The following SIL1 variants were observed in gnomAD, a reference collection of about 807,000 sequenced individuals.
The protein encoded by SIL1 is SIL1 nucleotide exchange factor.
In SIL1, 40 loss-of-function variants were observed where a neutral mutation model predicts 49.1. That is an observed-to-expected ratio of 0.81 (90% CI 0.63 to 1.06). The LOEUF is 1.06. SIL1 is among the 50% of genes least tolerant of loss of function. SIL1 has a pLI of 0.00. For synonymous variants in SIL1, 253 were observed against 250.8 expected, an observed-to-expected ratio of 1.01 and a Z score of -0.08; for missense variants, 500 against 572.6, an observed-to-expected ratio of 0.87 and a Z score of 1.29.
At chr5:139,095,073 G>A (rs1452071126) in intron 3 of SIL1, among the ~76,000 whole-genome samples, 1 of 152,108 alleles carries the variant, frequency 6.6e-6, no homozygotes, top group African/African-American at 2.4e-5. Context: ...CAACACTGGT[G>A]ATATTACCCT....
chr5:139,152,800 G>A (rs969222436), intron 1 of SIL1, among the ~76,000 whole-genome samples: 2 of 152,074 alleles, frequency 1.3e-5, no homozygotes, highest in Non-Finnish European at 2.9e-5. Flanking sequence ...ATCAACATCA[G>A]CAGCTTCATC....
intron 7 of SIL1, among the ~76,000 whole-genome samples, chr5:138,969,674 T>G (rs1236834022): frequency 6.6e-6 from 1 of 152,184 alleles, no homozygotes; most frequent in Non-Finnish European, 1.5e-5. Flanking sequence ...AAGGTCAAGT[T>G]GACAAATACC....
At chr5:138,955,096 CT>C (rs1182466935) in intron 7 of SIL1, among the ~76,000 whole-genome samples, 1 of 152,238 alleles carries the variant, frequency 6.6e-6, no homozygotes, top group African/African-American at 2.4e-5. Flanking sequence ...CGGCCCACCC[CT>C]GGAGGGACCA....
intron 1 of SIL1, among the ~76,000 whole-genome samples, chr5:139,170,955 G>A (rs1397982048): frequency 6.8e-6 from 1 of 147,958 alleles, no homozygotes; most frequent in Middle Eastern, 3.6e-3. Flanking sequence ...GAGGTGGGGG[G>A]GTCAGTCCCC....
In SIL1 at chr5:138,951,787, CCTT is replaced by C. The variant is rs148940232; in HGVS notation, c.862_864del (p.Lys288del). 36 of 1,613,996 alleles carry C rather than the reference CCTT, an allele frequency of 2.2e-5. No individual in the cohort carries two copies. In the South Asian group the frequency reaches 2.3e-4, roughly 10 times the overall value. ...GCAGGAGGAAGGGCATGGAAACACA[CCTT>C]CTTCTTTGCAGTGAGCGGCTGCTCC... On this transcript the variant is annotated inframe_deletion and splice_region_variant, in exon 8 of 10. Coordinates refer to ENST00000394817, the MANE Select transcript of SIL1 (RefSeq NM_022464.5).
At chr5:139,081,365 G>T (rs11242445) in intron 3 of SIL1, among the ~76,000 whole-genome samples, 61,647 of 151,976 alleles carry the variant, frequency 0.41, 12,934 homozygotes, top group African/African-American at 0.53. Context: ...AGCCATCCTC[G>T]TGCCTTAGCC....
chr5:139,145,448 T>A (rs1469350353), intron 1 of SIL1, among the ~76,000 whole-genome samples: 1 of 152,160 alleles, frequency 6.6e-6, no homozygotes, highest in Non-Finnish European at 1.5e-5. Flanking sequence ...AAAATTACCA[T>A]ATGACCCAGC....
chr5:139,058,198 A>C lies in SIL1; in HGVS notation c.245-7152T>G, dbSNP rs926277411. ...GTATCATATGATTACTTTTACATGA[A>C]ATGTACAGAATAGGCAAATCCATAG... On this transcript the variant is annotated intron_variant, in intron 3 of 9. Transcript: ENST00000394817. Among the ~76,000 whole-genome samples the C allele has an allele frequency of 8.5e-5, 13 of 152,318 alleles. No homozygotes were observed. The East Asian group carries it at 2.5e-3, about 29-fold the overall frequency.
chr5:139,181,974 A>C (rs998697386), intron 1 of SIL1, among the ~76,000 whole-genome samples: 3 of 152,086 alleles, frequency 2.0e-5, no homozygotes, highest in Non-Finnish European at 2.9e-5. Flanking sequence ...TGTAATACAC[A>C]GTTTTTGTTT....
chr5:138,992,167 C>T (rs1767773872), intron 7 of SIL1, among the ~76,000 whole-genome samples: 4 of 152,138 alleles, frequency 2.6e-5, no homozygotes, highest in African/African-American at 9.7e-5. Context: ...TGCCACAAAT[C>T]CCACCTGCTC....
intron 3 of SIL1, among the ~76,000 whole-genome samples, chr5:139,056,881 G>A (rs1335333560): frequency 6.6e-6 from 1 of 152,122 alleles, no homozygotes; most frequent in East Asian, 1.9e-4. Flanking sequence ...AGAAAGGGGG[G>A]AAAGGTGGGG....
chr5:139,016,076 C>G (rs1346192299), intron 7 of SIL1, among the ~76,000 whole-genome samples: 1 of 151,914 alleles, frequency 6.6e-6, no homozygotes, highest in African/African-American at 2.4e-5. Context: ...CCAGCCTGGG[C>G]AACACAGTGA....
chr5:139,196,604 A>G (rs1712257751), intron 1 of SIL1: 1 of 152,218 alleles, frequency 6.6e-6, no homozygotes. Context: ...GGACTGCCGC[A>G]TCCCTACTAA....
intron 3 of SIL1, among the ~76,000 whole-genome samples, chr5:139,104,005 C>T (rs922795594): frequency 9.3e-5 from 14 of 150,428 alleles, no homozygotes; most frequent in Admixed American, 2.6e-4. Context: ...GCTCTAGACA[C>T]ATCTACACAG....
rs745549568 is a variant in SIL1 at position 138,947,172 on chromosome 5, C to G, written c.1331G>C (p.Gly444Ala). The change falls in exon 10 of 10, where the codon GGC (glycine) becomes GCC (alanine). Residue 444 changes from glycine to alanine, a missense_variant. Coordinates refer to ENST00000394817, the MANE Select transcript of SIL1 (RefSeq NM_022464.5). This position sits in a 1 kb window ranked among gnomAD's most constrained non-coding sequence, Gnocchi z 4.1. The stretch of plus-strand genomic sequence containing the variant: ...AGAGCCCAGCAGCTCCTGGAAGTAG[C>G]CCTCGTCCTCACCATCCTGCAGCTC... ...SLELQDGEDE[G>A]YFQELLGSVN... 3.7e-6 allele frequency: 6 copies of G among 1,613,628 alleles called. No homozygotes were observed. The South Asian group carries it at 6.6e-5, about 18-fold the overall frequency.
chr5:139,184,885 T>C (rs577608000), intron 1 of SIL1, among the ~76,000 whole-genome samples: 2 of 152,216 alleles, frequency 1.3e-5, no homozygotes, highest in South Asian at 4.1e-4. Context: ...GGTCCAGTTG[T>C]TTACAGAGAA....
intron 7 of SIL1, among the ~76,000 whole-genome samples, chr5:138,976,646 G>C (rs1767399734): frequency 6.6e-6 from 1 of 152,056 alleles, no homozygotes; most frequent in Admixed American, 6.6e-5. Context: ...GCAATCCTCA[G>C]AGGAAGCACA....
chr5:139,081,540 C>A (rs1770079327), intron 3 of SIL1, among the ~76,000 whole-genome samples: 1 of 152,192 alleles, frequency 6.6e-6, no homozygotes. Flanking sequence ...GTGCCATGAA[C>A]CACTGTCATG....
chr5:139,101,843 C>T (rs1289852593), intron 3 of SIL1, among the ~76,000 whole-genome samples: 1 of 152,166 alleles, frequency 6.6e-6, no homozygotes, highest in East Asian at 1.9e-4. Flanking sequence ...GTTCTTGCTA[C>T]CCATCTCACC....
Sources: allele counts gnomAD v4.1 joint callset (sites outside exome capture counted in the v4.1 genomes callset), GRCh38; gene constraint gnomAD v4.1.1; non-coding constraint Gnocchi (gnomAD v3.1); transcripts MANE v1.5; gene names NCBI Gene and HGNC (gene_info 2026-07-23, HGNC 2026-07-21).